Variants in CPNE5 observed in about 807,000 individuals in gnomAD.
CPNE5 encodes the protein copine 5.
CPNE5 carries 42 observed loss-of-function variants against 81.1 expected under a neutral mutation model. The ratio of observed to expected loss-of-function variants is 0.52; its 90% CI spans 0.40 to 0.67. The LOEUF (loss-of-function observed/expected upper bound fraction) is 0.67, where lower values mean the gene tolerates loss of function less well. Ranked by LOEUF, CPNE5 falls within the 30% of genes least tolerant of loss-of-function variation. CPNE5 has a pLI of 0.00. For synonymous variants in CPNE5, 313 were observed against 321.5 expected, an observed-to-expected ratio of 0.97 and a Z score of 0.28; for missense variants, 612 against 815.5, an observed-to-expected ratio of 0.75 and a Z score of 3.04.
intron 4 of CPNE5, 137 bp from the exon 5 acceptor site, chr6:36,798,631 T>A (rs958786128): frequency 6.2e-5 from 45 of 730,320 alleles, no homozygotes; most frequent in African/African-American, 6.1e-4. Context: ...GGAGTAATGG[T>A]TGGAAGACAT....
rs754214421 is a variant in CPNE5 at position 36,742,342 on chromosome 6, C to T, written c.1708G>A (p.Ala570Thr). 55 of 1,612,596 alleles carry T rather than the reference C, an allele frequency of 3.4e-5. No individual in the cohort carries two copies. Among genetic ancestry groups the T allele is most frequent in the Non-Finnish European group, 4.2e-5 (50 of 1,179,848 alleles). Residue 570 changes from alanine (A) to threonine (T), a missense_variant, in exon 21 of 21, where the codon GCA becomes ACA. Physicochemically the swap from Ala to Thr is moderately conservative, Grantham distance 58 (BLOSUM62 0). Coordinates refer to ENST00000244751, the MANE Select transcript of CPNE5 (RefSeq NM_020939.2). The part of the protein sequence containing the change: ...AQGIRPRPPP[A>T]APTHSPSQSP... ...TGCGAGGGCGAGTGGGTTGGTGCTG[C>T]GGGTGGGGGACGCGGGCGAATGCCC... is the stretch of plus-strand genomic sequence containing the variant.
intron 1 of CPNE5, among the ~76,000 whole-genome samples, chr6:36,834,790 A>C (rs1773324593): frequency 6.6e-6 from 1 of 152,012 alleles, no homozygotes; most frequent in East Asian, 1.9e-4. Flanking sequence ...TGAGTACCTT[A>C]GTGTATTCAA....
At chr6:36,806,443 G>A (rs969087531) in intron 3 of CPNE5, among the ~76,000 whole-genome samples, 1 of 152,052 alleles carries the variant, frequency 6.6e-6, no homozygotes, top group Non-Finnish European at 1.5e-5. Flanking sequence ...CACCAGGCAG[G>A]CCCTCCACCT....
rs192854986 is a variant in CPNE5 at position 36,745,141 on chromosome 6, C to T, written c.1338G>A (p.Ala446=). The change falls in exon 18 of 21, where the codon GCG becomes GCA. Residue 446 remains alanine (A), a synonymous_variant. Transcript: ENST00000244751. ...PVVTHVARNA[A]AVQDGSQYSV... is the part of the protein sequence containing the mutation. Reference sequence around the variant, plus strand: ...AGTACTGGGAGCCATCCTGCACGGCCGCTGCATTCCTGGGTGGGGCAGGTG... The same window carrying T: ...AGTACTGGGAGCCATCCTGCACGGCTGCTGCATTCCTGGGTGGGGCAGGTG... The T allele has an allele frequency of 1.1e-4, 179 of 1,613,370 alleles. No homozygotes were observed. The highest frequency in any genetic ancestry group is 1.4e-4 in the Non-Finnish European group (169 of 1,179,512).
At chr6:36,777,422 A>T (rs1582844955) in intron 9 of CPNE5, among the ~76,000 whole-genome samples, 1 of 151,494 alleles carries the variant, frequency 6.6e-6, no homozygotes, top group South Asian at 2.1e-4. Flanking sequence ...TTTGCAGTGC[A>T]CCCCTCTCCT....
At chr6:36,807,856 A>G (rs925870754) in intron 3 of CPNE5, among the ~76,000 whole-genome samples, 2 of 152,166 alleles carry the variant, frequency 1.3e-5, no homozygotes, top group African/African-American at 4.8e-5. Flanking sequence ...CCTCAGTTGA[A>G]AAAAGGCCGC....
intron 20 of CPNE5, chr6:36,743,330 G>T: frequency 1.4e-6 from 1 of 728,006 alleles, no homozygotes; most frequent in Non-Finnish European, 1.7e-6. Flanking sequence ...TATTCTTGGA[G>T]AAGGCTGCAG....
At chr6:36,800,348 C>T (rs1230925764) in intron 3 of CPNE5, among the ~76,000 whole-genome samples, 2 of 152,200 alleles carry the variant, frequency 1.3e-5, no homozygotes, top group African/African-American at 4.8e-5. Context: ...CTTCCCTTCA[C>T]CTGGCCTCCC....
chr6:36,801,964 TA>T (rs1460630310), intron 3 of CPNE5, among the ~76,000 whole-genome samples: 1 of 152,140 alleles, frequency 6.6e-6, no homozygotes, highest in Non-Finnish European at 1.5e-5. Context: ...CTGACGCCTG[TA>T]ATCCCAGCAC....
At position 36,742,117 on chromosome 6, in the gene CPNE5, AG is replaced by A. The variant is rs1467997366; in HGVS notation, c.*150del. 1.7e-5 allele frequency: 10 copies of A among 594,056 alleles called. No individual in the cohort carries two copies. Among genetic ancestry groups the A allele is most frequent in the Non-Finnish European group, 2.9e-5 (10 of 342,730 alleles). The allele number at this position is 594,056 out of a possible 1,614,324, so 36.8% of individuals were successfully genotyped here. ...AATAAGTGAGGCCAAGAAATTGAGG[AG>A]GGGTCTTCAGAAGCCCCACCCCCTG... On this transcript the variant is annotated 3_prime_UTR_variant, in exon 21 of 21. Transcript: ENST00000244751.
chr6:36,777,224 A>G (rs1156519288), intron 9 of CPNE5, among the ~76,000 whole-genome samples: 6 of 151,666 alleles, frequency 4.0e-5, no homozygotes. Flanking sequence ...AGGTCCCCTC[A>G]TTGTCCTTTT....
chr6:36,820,116 G>A (rs1771908392), intron 3 of CPNE5, among the ~76,000 whole-genome samples: 1 of 152,164 alleles, frequency 6.6e-6, no homozygotes, highest in African/African-American at 2.4e-5. Context: ...CAAGAGAGAG[G>A]AGGGATCGCT....
chr6:36,744,309 A>G lies in CPNE5; in HGVS notation c.1448T>C (p.Met483Thr). The change falls in exon 19 of 21, where the codon ATG (methionine) becomes ACG (threonine). Residue 483 changes from methionine (M) to threonine (T), a missense_variant. Physicochemically the swap from Met to Thr is moderately conservative, Grantham distance 81. Transcript: ENST00000244751. ...GCCCACGCCGACGATAATGATGGAC[A>G]TGGGGAGCTTGGCAGCCTGGGAGAC... The part of the protein sequence containing the change: ...EAIVNAAKLP[M>T]SIIIVGVGQA... 1 of 1,583,904 alleles carries G rather than the reference A, an allele frequency of 6.3e-7. No individual in the cohort carries two copies. The highest frequency in any genetic ancestry group is 1.2e-5 in the South Asian group (1 of 86,118).
rs1766180028 is a variant in CPNE5 at position 36,762,818 on chromosome 6, A to T, written c.855+99T>A. ...GGACAATAACCCCTTTCTCACAGGAAAACACACCAAGCCCCCAGCCCAGTG... is the reference window on the plus strand; with the variant it reads ...GGACAATAACCCCTTTCTCACAGGATAACACACCAAGCCCCCAGCCCAGTG... On this transcript the variant is annotated intron_variant, in intron 12 of 20. Coordinates refer to ENST00000244751, the MANE Select transcript of CPNE5 (RefSeq NM_020939.2). 7.3e-6 allele frequency: 7 copies of T among 960,750 alleles called. No homozygotes were observed. The East Asian group carries it at 1.7e-4, about 24-fold the overall frequency. The allele number at this position is 960,750 out of a possible 1,614,324, so 59.5% of individuals were successfully genotyped here. A position where few individuals can be genotyped will look rare whatever the true frequency, so the allele number is the denominator to read the frequency against.
chr6:36,803,373 G>A lies in CPNE5; in HGVS notation c.184-3303C>T, dbSNP rs9462222. Among the ~76,000 whole-genome samples the A allele has an allele frequency of 8.5e-3, 1,286 of 151,596 alleles. 17 individuals carry two copies. The highest frequency in any genetic ancestry group is 0.029 in the African/African-American group (1,189 of 40,968). On this transcript the variant is annotated intron_variant, in intron 3 of 20. Transcript: ENST00000244751. ...CCCATCATCCTCCTGCATCTCTAAG[G>A]CTGCACTTACTCTGCGGCCTGATAA...
chr6:36,805,647 GC>G (rs1770528467), intron 3 of CPNE5, among the ~76,000 whole-genome samples: 1 of 152,106 alleles, frequency 6.6e-6, no homozygotes, highest in African/African-American at 2.4e-5. Flanking sequence ...ACCTCCCTGG[GC>G]CCCAGGGCTG....
intron 16 of CPNE5, 86 bp from the exon 17 acceptor site, chr6:36,745,601 C>G: frequency 6.9e-7 from 1 of 1,456,082 alleles, no homozygotes; most frequent in South Asian, 1.4e-5. Flanking sequence ...GGTGGGGAGG[C>G]CAGCAGGCCT....
chr6:36,807,395 T>C (rs1770691816), intron 3 of CPNE5, among the ~76,000 whole-genome samples: 1 of 152,232 alleles, frequency 6.6e-6, no homozygotes, highest in South Asian at 2.1e-4. Context: ...ATGGGATTGT[T>C]GGAGGCCTAA....
chr6:36,769,694 C>T (rs574544479), intron 10 of CPNE5, among the ~76,000 whole-genome samples: 101 of 152,340 alleles, frequency 6.6e-4, no homozygotes, highest in African/African-American at 2.3e-3. Context: ...GGTTGCACTG[C>T]GCAACACCGG....
Sources: gnomAD v4.1 joint callset for allele counts (sites outside exome capture counted in the v4.1 genomes callset) on GRCh38, gnomAD v4.1.1 for gene constraint, MANE v1.5 for transcripts, NCBI Gene and HGNC (gene_info 2026-07-23, HGNC 2026-07-21) for gene names.